The following WDR26 variants were observed in gnomAD, a reference collection of about 807,000 sequenced individuals.
WDR26 encodes the protein WD repeat domain 26.
Under a neutral mutation model 84.1 loss-of-function variants are expected in WDR26, and 5 were observed. The observed-to-expected ratio is 0.06, with a 90% CI of 0.03 to 0.13. WDR26 has a LOEUF of 0.13. Among genes scored for constraint, WDR26 ranks in the 10% least tolerant of loss-of-function variants. The pLI is 1.00. For missense variants in WDR26, 642 were observed against 974.9 expected (o/e 0.66, Z 4.55); for synonymous variants, 415 against 389.6 (o/e 1.07, Z -0.77).
Position 224,387,520 on chromosome 1 carries a change from A to G in WDR26, c.*2315T>C, listed in dbSNP as rs1361303462. ...GTTATGTTCTTGTAAAATGTGCCTC[A>G]CTTTTACTCCACTTTTTAAAAAGTG... On this transcript the variant is annotated 3_prime_UTR_variant, in exon 14 of 14. Transcript: ENST00000414423. 1 of 152,594 alleles carries G rather than the reference A, an allele frequency of 6.6e-6. No individual in the cohort carries two copies. The highest frequency in any genetic ancestry group is 2.4e-5 in the African/African-American group (1 of 41,426). The allele number at this position is 152,594 out of a possible 1,614,324, so 9.5% of individuals were successfully genotyped here.
intron 6 of WDR26, among the ~76,000 whole-genome samples, chr1:224,417,275 C>T (rs549383903): frequency 3.9e-5 from 6 of 152,194 alleles, no homozygotes; most frequent in Non-Finnish European, 5.9e-5. Context: ...TCTTTGATAT[C>T]ACTGGTAAAA....
intron 4 of WDR26, among the ~76,000 whole-genome samples, chr1:224,421,985 C>T (rs1200412023): frequency 6.6e-6 from 1 of 152,118 alleles, no homozygotes; most frequent in Non-Finnish European, 1.5e-5. Context: ...TTTGTATTTA[C>T]AAACTCGTGT....
intron 1 of WDR26, among the ~76,000 whole-genome samples, chr1:224,432,506 C>G (rs1044809477): frequency 3.8e-4 from 58 of 152,160 alleles, no homozygotes; most frequent in African/African-American, 1.2e-3. Flanking sequence ...ATTTTCTTCC[C>G]TCATGTATTC....
intron 3 of WDR26, among the ~76,000 whole-genome samples, chr1:224,425,779 C>T (rs1003196585): frequency 5.9e-5 from 9 of 152,118 alleles, no homozygotes; most frequent in Non-Finnish European, 1.2e-4. Flanking sequence ...TATTTAGAGA[C>T]TCCAAGGAAT....
In WDR26 at chr1:224,434,582, T is replaced by G; in HGVS notation, c.-177A>C. On this transcript the variant is annotated 5_prime_UTR_variant, in exon 1 of 14. Transcript: ENST00000414423. ...GGATCCGGGCCCTTTCCCCCCCCCC[T>G]CCCGGAGGCAGCTCGGGGTGCGCGG... 2 of 357,074 alleles carry G rather than the reference T, an allele frequency of 5.6e-6. No homozygotes were observed. The highest frequency in any genetic ancestry group is 7.0e-6 in the Non-Finnish European group (2 of 284,840). The allele number at this position is 357,074 out of a possible 1,614,324, so 22.1% of individuals were successfully genotyped here. A position where few individuals can be genotyped will look rare whatever the true frequency, so the allele number is the denominator to read the frequency against.
intron 12 of WDR26, among the ~76,000 whole-genome samples, chr1:224,397,093 C>T (rs938898534): frequency 6.6e-6 from 1 of 152,102 alleles, no homozygotes; most frequent in African/African-American, 2.4e-5. Context: ...ACATCTTATA[C>T]AATAAATGGA....
intron 13 of WDR26, among the ~76,000 whole-genome samples, chr1:224,391,855 T>G (rs138377995): frequency 2.0e-5 from 3 of 152,330 alleles, no homozygotes; most frequent in African/African-American, 7.2e-5. Context: ...AAACATCTGG[T>G]TATACAAGTA....
Position 224,389,683 on chromosome 1 carries a change from T to C in WDR26, c.*152A>G. On this transcript the variant is annotated 3_prime_UTR_variant, in exon 14 of 14. Transcript: ENST00000414423. ...TGGTTACTATGAAGCAAGGTGTAAA[T>C]GTTTGGCCCCAATCGGGCTTCAGAA... 1.3e-6 allele frequency: 1 copy of C among 766,066 alleles called. No individual in the cohort carries two copies. Among genetic ancestry groups the C allele is most frequent in the Non-Finnish European group, 2.2e-6 (1 of 450,256 alleles). The allele number at this position is 766,066 out of a possible 1,614,324, so 47.5% of individuals were successfully genotyped here.
At chr1:224,423,233 T>C (rs979165228) in intron 4 of WDR26, among the ~76,000 whole-genome samples, 1 of 152,226 alleles carries the variant, frequency 6.6e-6, no homozygotes, top group African/African-American at 2.4e-5. Flanking sequence ...CTTTTATTCC[T>C]TTTTCTTGCC....
In WDR26 at chr1:224,427,102, TC is replaced by T. The variant is rs138898651; in HGVS notation, c.928-2449del. 9.8e-3 allele frequency among the ~76,000 whole-genome samples: 676 copies of T among 68,800 alleles called. 31 individuals are homozygous for T. Among genetic ancestry groups the T allele is most frequent in the African/African-American group, 0.024 (239 of 9,822 alleles). 45.1% of individuals were successfully genotyped at this position (68,800 alleles called of 152,430 possible). On this transcript the variant is annotated intron_variant, in intron 3 of 13. Coordinates refer to ENST00000414423, the MANE Select transcript of WDR26 (RefSeq NM_001379403.1). ...TGGGCAACGAGAGCAAAACTCTGTC[TC>T]CAAAAAAAAAAAAAAAAAAAAAAAG...
intron 3 of WDR26, 166 bp from the exon 4 acceptor site, chr1:224,424,820 A>G: frequency 1.3e-6 from 1 of 757,814 alleles, no homozygotes; most frequent in Non-Finnish European, 2.1e-6. Flanking sequence ...GAGCCACAGT[A>G]GATTAAATGT....
intron 6 of WDR26, among the ~76,000 whole-genome samples, chr1:224,416,788 C>T (rs139359266): frequency 7.9e-5 from 12 of 152,230 alleles, no homozygotes; most frequent in Non-Finnish European, 1.6e-4. Flanking sequence ...GGTTCACAAG[C>T]GTCTTAATTT....
chr1:224,389,318 A>G lies in WDR26; in HGVS notation c.*517T>C, dbSNP rs188523746. 5.4e-5 allele frequency: 11 copies of G among 205,556 alleles called. No homozygotes were observed. The highest frequency in any genetic ancestry group is 9.6e-6 in the Non-Finnish European group (1 of 104,146). The allele number at this position is 205,556 out of a possible 1,614,324, so 12.7% of individuals were successfully genotyped here. On this transcript the variant is annotated 3_prime_UTR_variant, in exon 14 of 14. Coordinates refer to ENST00000414423, the MANE Select transcript of WDR26 (RefSeq NM_001379403.1). ...TGCGCAACGGGCAAGGCTAGAATCC[A>G]TGAACCAAGCTGCAAAGATCTCAAG...
At chr1:224,400,881 A>G (rs1310293116) in intron 9 of WDR26, 69 bp downstream of exon 9, 4 of 1,576,172 alleles carry the variant, frequency 2.5e-6, no homozygotes, top group African/African-American at 2.7e-5. Context: ...GAGTCAAGGA[A>G]ATTGTTTAAA....
At position 224,398,245 on chromosome 1, in the gene WDR26, A is replaced by G. The variant is rs1237679264; in HGVS notation, c.1945-19T>C. 6.2e-7 allele frequency: 1 copy of G among 1,605,414 alleles called. No individual in the cohort carries two copies. ...GAACTCCCTGCAGGCAAAGGAGAAT[A>G]CAGATATTTAATCTGCCTCAACTCA... On this transcript the variant is annotated intron_variant, in intron 11 of 13. Transcript: ENST00000414423.
At chr1:224,426,614 A>G (rs1674216020) in intron 3 of WDR26, among the ~76,000 whole-genome samples, 1 of 152,004 alleles carries the variant, frequency 6.6e-6, no homozygotes, top group Non-Finnish European at 1.5e-5. Flanking sequence ...TCTATGTTAA[A>G]TGAAAAAACT....
intron 7 of WDR26, among the ~76,000 whole-genome samples, chr1:224,405,775 T>C (rs961066130): frequency 1.3e-5 from 2 of 152,200 alleles, no homozygotes; most frequent in East Asian, 3.8e-4. Context: ...AATGTAGACG[T>C]GGCAAGTGAC....
intron 7 of WDR26, among the ~76,000 whole-genome samples, chr1:224,406,914 G>A (rs753177291): frequency 5.9e-5 from 9 of 151,296 alleles, no homozygotes; most frequent in Non-Finnish European, 1.2e-4. Flanking sequence ...TTGAGGTCAG[G>A]AGTTTCAGAC....
At chr1:224,424,265 A>T (rs1040188205) in intron 4 of WDR26, among the ~76,000 whole-genome samples, 1 of 152,188 alleles carries the variant, frequency 6.6e-6, no homozygotes, top group Non-Finnish European at 1.5e-5. Context: ...TAGGGTTTTC[A>T]TAGAACATTC....
Sources: allele counts gnomAD v4.1 joint callset (sites outside exome capture counted in the v4.1 genomes callset), GRCh38; gene constraint gnomAD v4.1.1; transcripts MANE v1.5; gene names NCBI Gene and HGNC (gene_info 2026-07-23, HGNC 2026-07-21).